The following UNC13C variants were observed in gnomAD, a reference collection of about 807,000 sequenced individuals.
UNC13C encodes the protein unc-13 homolog C.
In UNC13C, 174 loss-of-function variants were observed where a neutral mutation model predicts 245.4. That is an observed-to-expected ratio of 0.71 (90% confidence interval 0.63 to 0.80). The LOEUF (loss-of-function observed/expected upper bound fraction) is 0.80. UNC13C is among the 30% of genes least tolerant of loss of function. The probability of loss-of-function intolerance (pLI) is 0.00; values close to 1 mark genes in which losing one functional copy is unlikely to be tolerated. For missense variants in UNC13C, 2,829 were observed against 2,602.9 expected, an observed-to-expected ratio of 1.09 and a Z score of -1.89; for synonymous variants, 992 against 895.1, an observed-to-expected ratio of 1.11 and a Z score of -1.93.
At chr15:54,289,024 C>G (rs1212520297) in intron 10 of UNC13C, among the ~76,000 whole-genome samples, 1 of 152,080 alleles carries the variant, frequency 6.6e-6, no homozygotes, top group Non-Finnish European at 1.5e-5. Context: ...AGCCCTAGGG[C>G]AACAATTTTA....
At chr15:54,342,404 T>G (rs2038755900) in intron 17 of UNC13C, among the ~76,000 whole-genome samples, 1 of 149,966 alleles carries the variant, frequency 6.7e-6, no homozygotes, top group African/African-American at 2.5e-5. Context: ...ATCTCTACAA[T>G]TTTTTTTTTA....
chr15:54,058,161 A>G (rs533784522), intron 2 of UNC13C, among the ~76,000 whole-genome samples: 11 of 152,290 alleles, frequency 7.2e-5, no homozygotes, highest in Admixed American at 1.3e-4. Context: ...CAAAAAATCA[A>G]TGAATCCAGG....
chr15:54,467,934 C>T (rs540130980), intron 19 of UNC13C, among the ~76,000 whole-genome samples: 3 of 151,034 alleles, frequency 2.0e-5, no homozygotes, highest in African/African-American at 7.3e-5. Flanking sequence ...ATGTAGATAT[C>T]TATCTCTTCA....
intron 17 of UNC13C, among the ~76,000 whole-genome samples, chr15:54,347,562 T>C (rs2038886414): frequency 6.6e-6 from 1 of 152,214 alleles, no homozygotes; most frequent in South Asian, 2.1e-4. Context: ...AGAAGGTTTG[T>C]AACTAAAAAC....
chr15:54,316,986 C>G (rs2038025084), intron 13 of UNC13C, among the ~76,000 whole-genome samples: 1 of 151,810 alleles, frequency 6.6e-6, no homozygotes, highest in Admixed American at 6.6e-5. Context: ...CACATCCTTA[C>G]CATTAAGAAG....
chr15:54,258,337 A>G (rs1166490871), intron 8 of UNC13C, among the ~76,000 whole-genome samples: 4 of 152,072 alleles, frequency 2.6e-5, no homozygotes, highest in Middle Eastern at 3.2e-3. Context: ...ATGCAGCTCA[A>G]ACCCCTAAAA....
intron 22 of UNC13C, among the ~76,000 whole-genome samples, chr15:54,504,373 A>G (rs1419282567): frequency 1.3e-5 from 2 of 152,044 alleles, no homozygotes; most frequent in Non-Finnish European, 2.9e-5. Flanking sequence ...CACTTTATAC[A>G]TTTTCTTATT....
At chr15:53,841,627 C>A in the UNC13C span, among the ~76,000 whole-genome samples, 1 of 152,070 alleles carries the variant, frequency 6.6e-6, no homozygotes, top group Non-Finnish European at 1.5e-5. Flanking sequence ...GACAAGAGCT[C>A]CCCACAAGGT....
At chr15:54,052,613 T>C (rs1183067294) in intron 2 of UNC13C, among the ~76,000 whole-genome samples, 2 of 152,264 alleles carry the variant, frequency 1.3e-5, no homozygotes, top group Non-Finnish European at 2.9e-5. Context: ...TTTATGGTGT[T>C]GAAGTGTTTT....
intron 4 of UNC13C, among the ~76,000 whole-genome samples, chr15:54,174,524 CTG>C (rs2033538477): frequency 6.6e-6 from 1 of 152,102 alleles, no homozygotes. Context: ...GATTTAATCA[CTG>C]TATTCTCAAC....
At chr15:53,930,566 A>T in the UNC13C span, among the ~76,000 whole-genome samples, 1 of 152,138 alleles carries the variant, frequency 6.6e-6, no homozygotes. Context: ...CTGAATACAC[A>T]AACTAAATAC....
intron 17 of UNC13C, among the ~76,000 whole-genome samples, chr15:54,340,834 T>C (rs925766830): frequency 3.9e-5 from 6 of 152,236 alleles, no homozygotes; most frequent in Admixed American, 1.3e-4. Flanking sequence ...ATTATCATGG[T>C]ATTTTGATGG....
intron 26 of UNC13C, among the ~76,000 whole-genome samples, chr15:54,540,523 T>C (rs1896197892): frequency 6.6e-6 from 1 of 152,122 alleles, no homozygotes; most frequent in Admixed American, 6.6e-5. Flanking sequence ...CATTTGCTAG[T>C]TTGCCATTAT....
chr15:54,504,541 A>G (rs1431081901), intron 22 of UNC13C, among the ~76,000 whole-genome samples: 1 of 152,204 alleles, frequency 6.6e-6, no homozygotes, highest in African/African-American at 2.4e-5. Flanking sequence ...ATTAAGTTAG[A>G]AATTTGGAGA....
At chr15:54,060,631 G>T (rs1216755301) in intron 2 of UNC13C, among the ~76,000 whole-genome samples, 2 of 151,992 alleles carry the variant, frequency 1.3e-5, no homozygotes, top group Non-Finnish European at 2.9e-5. Context: ...TATACCCAAA[G>T]GATTATAAAT....
At chr15:54,048,831 G>A (rs1385704878) in intron 2 of UNC13C, 5 of 245,530 alleles carry the variant, frequency 2.0e-5, no homozygotes, top group Non-Finnish European at 4.1e-5. Context: ...CACAATTTGG[G>A]AATTTTTACT....
intron 2 of UNC13C, among the ~76,000 whole-genome samples, chr15:54,134,024 A>G (rs996331116): frequency 6.7e-6 from 1 of 149,892 alleles, no homozygotes; most frequent in Non-Finnish European, 1.5e-5. Flanking sequence ...AAAGCAACTA[A>G]TACATCCATC....
chr15:53,893,811 G>C, the UNC13C span, among the ~76,000 whole-genome samples: 1 of 152,226 alleles, frequency 6.6e-6, no homozygotes, highest in Non-Finnish European at 1.5e-5. Context: ...GGCCCACAGA[G>C]CCAGACCACT....
the UNC13C span, among the ~76,000 whole-genome samples, chr15:53,963,266 C>T: frequency 6.6e-6 from 1 of 152,212 alleles, no homozygotes; most frequent in Non-Finnish European, 1.5e-5. Flanking sequence ...TGAAGACCCT[C>T]AACTTCTGTC....
Sources: allele counts gnomAD v4.1 joint callset (sites outside exome capture counted in the v4.1 genomes callset), GRCh38; gene constraint gnomAD v4.1.1; transcripts MANE v1.5; gene names NCBI Gene and HGNC (gene_info 2026-07-23, HGNC 2026-07-21).